The following ADAMTS2 variants were observed in gnomAD, a reference collection of about 807,000 sequenced individuals.
ADAMTS2 encodes the protein ADAM metallopeptidase with thrombospondin type 1 motif 2.
In ADAMTS2, 50 loss-of-function variants were observed where a neutral mutation model predicts 123.0. The observed-to-expected ratio is 0.41, with a 90% CI of 0.32 to 0.51. ADAMTS2 has a LOEUF of 0.51. Among genes scored for constraint, ADAMTS2 ranks in the 20% least tolerant of loss-of-function variants. ADAMTS2 has a pLI of 0.35. For missense variants in ADAMTS2, 1,494 were observed against 1,705.2 expected (o/e 0.88, Z 2.18); for synonymous variants, 678 against 695.4 (o/e 0.98, Z 0.39).
rs71596415 is a variant in ADAMTS2 at position 179,278,109 on chromosome 5, A to C, written c.535-5045T>G. On this transcript the variant is annotated intron_variant, in intron 2 of 21. Coordinates refer to ENST00000251582, the MANE Select transcript of ADAMTS2 (RefSeq NM_014244.5). Reference sequence around the variant, plus strand: ...ACCAAAGGCTGACCACCCCCGAGACAAAAGGCTGACCACCCCCGAGACCAA... The same window carrying C: ...ACCAAAGGCTGACCACCCCCGAGACCAAAGGCTGACCACCCCCGAGACCAA... 2.9e-3 allele frequency among the ~76,000 whole-genome samples: 17 copies of C among 5,794 alleles called. 1 individual carries two copies. Among genetic ancestry groups the C allele is most frequent in the East Asian group, 6.8e-3 (1 of 146 alleles). The allele number at this position is 5,794 out of a possible 152,430, so 3.8% of individuals were successfully genotyped here.
intron 11 of ADAMTS2, among the ~76,000 whole-genome samples, chr5:179,138,162 G>A (rs1010971428): frequency 6.6e-6 from 1 of 152,188 alleles, no homozygotes; most frequent in Non-Finnish European, 1.5e-5. Flanking sequence ...GAAAGGACAG[G>A]ACAGGATGGC....
At chr5:179,194,299 G>T (rs1764369683) in intron 4 of ADAMTS2, among the ~76,000 whole-genome samples, 1 of 152,168 alleles carries the variant, frequency 6.6e-6, no homozygotes, top group Non-Finnish European at 1.5e-5. Flanking sequence ...CACCATCACT[G>T]GTCTGTCGGC....
chr5:179,207,475 T>TGGCCCCCCCCC, intron 4 of ADAMTS2, 38 bp downstream of exon 4: 2 of 588,614 alleles, frequency 3.4e-6, no homozygotes, highest in African/African-American at 2.0e-5. Flanking sequence ...TGGTTGACCC[T>TGGCCCCCCCCC]CCCCGCCCCA....
intron 3 of ADAMTS2, 89 bp from the exon 4 acceptor site, chr5:179,207,804 A>G (rs1283209811): frequency 8.6e-7 from 1 of 1,162,080 alleles, no homozygotes; most frequent in Non-Finnish European, 1.3e-6. Context: ...CCTCTCATTT[A>G]AAACTCATAG....
rs922391672 is a variant in ADAMTS2 at position 179,256,719 on chromosome 5, A to C, written c.688+16192T>G. On this transcript the variant is annotated intron_variant, in intron 3 of 21. Coordinates refer to ENST00000251582, the MANE Select transcript of ADAMTS2 (RefSeq NM_014244.5). This position sits in a 1 kb window ranked among gnomAD's most constrained non-coding sequence, Gnocchi z 4.1. ...AGAGGAGGCACAGAGCCTCCCACCC[A>C]GTGCTGCTGGCAGGAACACGCCCAG... 6.6e-6 allele frequency among the ~76,000 whole-genome samples: 1 copy of C among 152,238 alleles called. No homozygotes were observed. Among genetic ancestry groups the C allele is most frequent in the Non-Finnish European group, 1.5e-5 (1 of 68,048 alleles).
At chr5:179,343,011 C>T (rs541839275) in intron 2 of ADAMTS2, among the ~76,000 whole-genome samples, 2 of 152,352 alleles carry the variant, frequency 1.3e-5, no homozygotes, top group South Asian at 4.1e-4. Flanking sequence ...TCGAGCAGCT[C>T]ATGGGCACTA....
Position 179,170,776 on chromosome 5 carries a change from A to G in ADAMTS2, c.975+10296T>C, listed in dbSNP as rs1213739507. On this transcript the variant is annotated intron_variant, in intron 5 of 21. Transcript: ENST00000251582. This position sits in a 1 kb window ranked among gnomAD's most constrained non-coding sequence, Gnocchi z 4.3. ...TTGTCTGCTGCTACTGCCTGGACAC[A>G]GGGCTCCTCTCCCCTCCTCGTTCAT... Among the ~76,000 whole-genome samples, 5 of 152,128 alleles carry G rather than the reference A, an allele frequency of 3.3e-5. No homozygotes were observed. The highest frequency in any genetic ancestry group is 9.7e-5 in the African/African-American group (4 of 41,422).
At chr5:179,230,972 C>T (rs1045670257) in intron 3 of ADAMTS2, among the ~76,000 whole-genome samples, 1 of 151,838 alleles carries the variant, frequency 6.6e-6, no homozygotes, top group Non-Finnish European at 1.5e-5. Context: ...GATCGTGCCA[C>T]TGCACTCCAG....
intron 3 of ADAMTS2, among the ~76,000 whole-genome samples, chr5:179,243,354 C>A (rs187447631): frequency 6.6e-6 from 1 of 152,124 alleles, no homozygotes. Context: ...GGTGTGATAC[C>A]AAATGAAGCA....
chr5:179,159,441 G>A (rs566205035), intron 5 of ADAMTS2, among the ~76,000 whole-genome samples: 2 of 152,222 alleles, frequency 1.3e-5, no homozygotes, highest in Non-Finnish European at 2.9e-5. Context: ...TTTGGTGGGT[G>A]CAAAAGTAAT....
Position 179,132,550 on chromosome 5 carries a change from C to G in ADAMTS2, c.2209+227G>C, listed in dbSNP as rs915470498. 6.6e-6 allele frequency among the ~76,000 whole-genome samples: 1 copy of G among 152,108 alleles called. No homozygotes were observed. The highest frequency in any genetic ancestry group is 2.4e-5 in the African/African-American group (1 of 41,410). ...ATATACTGGCATTCTCCACTCTAACCCCTGTGACCCCGGCCCCCACTCTCC... is the reference window on the plus strand; with the variant it reads ...ATATACTGGCATTCTCCACTCTAACGCCTGTGACCCCGGCCCCCACTCTCC... On this transcript the variant is annotated intron_variant, in intron 14 of 21. Coordinates refer to ENST00000251582, the MANE Select transcript of ADAMTS2 (RefSeq NM_014244.5). The surrounding 1 kb of genome is among the most constrained non-coding windows in gnomAD (Gnocchi z 6.1).
chr5:179,113,970 T>G lies in ADAMTS2; in HGVS notation c.3533A>C (p.Asn1178Thr), dbSNP rs1309342137. ...GGGGCTCGGTCGTCGAGGGATTAGG[T>G]TGGGTGGCTGGACTTCATCTTCCAG... ...HGLEDEVQPP[N>T]LIPRRPSPYE... The change falls in exon 22 of 22, where the codon AAC becomes ACC. Residue 1178 changes from asparagine to threonine, a missense_variant. This residue lies in a region of ADAMTS2 where 953 missense variants were observed against 1,124.7 expected (regional missense o/e 0.85). Transcript: ENST00000251582. The G allele has an allele frequency of 6.2e-7, 1 of 1,614,036 alleles. No individual in the cohort carries two copies. Among genetic ancestry groups the G allele is most frequent in the Admixed American group, 1.7e-5 (1 of 60,006 alleles).
At chr5:179,143,202 G>C (rs933019736) in intron 10 of ADAMTS2, among the ~76,000 whole-genome samples, 1 of 152,192 alleles carries the variant, frequency 6.6e-6, no homozygotes, top group Non-Finnish European at 1.5e-5. Context: ...GGGAGGCCGA[G>C]GGGGGCAGAT....
intron 2 of ADAMTS2, among the ~76,000 whole-genome samples, chr5:179,273,527 C>A (rs1435024262): frequency 6.6e-6 from 1 of 152,188 alleles, no homozygotes. Flanking sequence ...TGCCCACACA[C>A]ATGTTCCATC....
intron 2 of ADAMTS2, among the ~76,000 whole-genome samples, chr5:179,305,348 A>G (rs1432320991): frequency 6.6e-6 from 1 of 152,182 alleles, no homozygotes; most frequent in Non-Finnish European, 1.5e-5. Flanking sequence ...TGTCTGATGT[A>G]GTTTTCCATG....
chr5:179,265,290 C>T (rs1439253807), intron 3 of ADAMTS2, among the ~76,000 whole-genome samples: 3 of 152,206 alleles, frequency 2.0e-5, no homozygotes, highest in East Asian at 1.9e-4. Context: ...TTTACCTGGT[C>T]GGCTCCACCC....
chr5:179,216,760 G>A (rs1458286046), intron 3 of ADAMTS2, among the ~76,000 whole-genome samples: 1 of 152,240 alleles, frequency 6.6e-6, no homozygotes, highest in Non-Finnish European at 1.5e-5. Context: ...AATCGTCTTT[G>A]ATATTCATTT....
At chr5:179,164,568 G>A (rs373640601) in intron 5 of ADAMTS2, among the ~76,000 whole-genome samples, 30 of 152,328 alleles carry the variant, frequency 2.0e-4, no homozygotes, top group African/African-American at 7.0e-4. Context: ...GACGGCAAGT[G>A]CCAGAGGAAG....
At chr5:179,258,914 C>A (rs1252243999) in intron 3 of ADAMTS2, among the ~76,000 whole-genome samples, 4 of 152,180 alleles carry the variant, frequency 2.6e-5, no homozygotes, top group Non-Finnish European at 5.9e-5. Flanking sequence ...CAACACCCTT[C>A]CTGCACGATG....
Sources: allele counts gnomAD v4.1 joint callset (sites outside exome capture counted in the v4.1 genomes callset), GRCh38; gene constraint gnomAD v4.1.1; regional missense constraint gnomAD v4.1.1; non-coding constraint Gnocchi (gnomAD v3.1); transcripts MANE v1.5; gene names NCBI Gene and HGNC (gene_info 2026-07-23, HGNC 2026-07-21).